The following LRRC8D variants were observed in gnomAD, a reference collection of about 807,000 sequenced individuals.
LRRC8D encodes the protein leucine rich repeat containing 8 VRAC subunit D, also known as volume-regulated anion channel subunit LRRC8D.
Under a neutral mutation model 55.8 loss-of-function variants are expected in LRRC8D, and 20 were observed. The ratio of observed to expected loss-of-function variants is 0.36; its 90% CI spans 0.25 to 0.52. The LOEUF is 0.52. LRRC8D is among the 20% of genes least tolerant of loss of function. LRRC8D has a pLI of 0.93. For missense variants in LRRC8D, 651 were observed against 1,030.8 expected, an observed-to-expected ratio of 0.63 and a Z score of 5.05; for synonymous variants, 352 against 377.0, an observed-to-expected ratio of 0.93 and a Z score of 0.77.
rs759509540 is a variant in LRRC8D at position 89,933,478 on chromosome 1, G to A, written c.410G>A (p.Arg137Gln). ...AKKEKKDPTGRKTNLDFQQYV... is the reference protein window; with the variant it reads ...AKKEKKDPTGQKTNLDFQQYV... Reference sequence around the variant, plus strand: ...AAAGAGAAGAAAGATCCAACAGGTCGAAAAACAAACTTGGATTTTCAGCAA... The same window carrying A: ...AAAGAGAAGAAAGATCCAACAGGTCAAAAAACAAACTTGGATTTTCAGCAA... Residue 137 changes from arginine to glutamine, a missense_variant, in exon 3 of 3, where the codon CGA (arginine) becomes CAA (glutamine). Physicochemically the swap from Arg to Gln is conservative, Grantham distance 43 (BLOSUM62 1). Transcript: ENST00000337338. The surrounding 1 kb of genome is among the most constrained non-coding windows in gnomAD (Gnocchi z 7.0). 64 of 1,613,958 alleles carry A rather than the reference G, an allele frequency of 4.0e-5. No individual in the cohort carries two copies. The highest frequency in any genetic ancestry group is 2.9e-4 in the South Asian group (26 of 91,082).
rs182009845 is a variant in LRRC8D at position 89,822,032 on chromosome 1, A to T, written c.-148+741A>T. On this transcript the variant is annotated intron_variant, in intron 1 of 2. Coordinates refer to ENST00000337338, the MANE Select transcript of LRRC8D (RefSeq NM_001134479.2). ...AGAATTGGGGGTGGTTGCCGGGAGGACCAGCACCTCCAGTTACTGGAGGGT... is the reference window on the plus strand; with the variant it reads ...AGAATTGGGGGTGGTTGCCGGGAGGTCCAGCACCTCCAGTTACTGGAGGGT... 6.2e-3 allele frequency: 949 copies of T among 152,290 alleles called. 22 individuals carry two copies. Among genetic ancestry groups the T allele is most frequent in the Non-Finnish European group, 3.9e-3 (267 of 68,034 alleles). The allele number at this position is 152,290 out of a possible 1,614,324, so 9.4% of individuals were successfully genotyped here.
Position 89,850,824 on chromosome 1 carries a change from T to G in LRRC8D, c.-3+7042T>G, listed in dbSNP as rs1167196016. Among the ~76,000 whole-genome samples the G allele has an allele frequency of 7.9e-5, 12 of 152,220 alleles. 1 individual carries two copies. Among genetic ancestry groups the G allele is most frequent in the Admixed American group, 3.9e-4 (6 of 15,282 alleles). ...ACATGTACATTTATATAACTTGACC[T>G]TATTGTTATGATTGATACATTAATA... On this transcript the variant is annotated intron_variant, in intron 2 of 2. Coordinates refer to ENST00000337338, the MANE Select transcript of LRRC8D (RefSeq NM_001134479.2).
chr1:89,894,537 T>G (rs543469944), intron 2 of LRRC8D, among the ~76,000 whole-genome samples: 5 of 152,238 alleles, frequency 3.3e-5, no homozygotes, highest in Non-Finnish European at 7.3e-5. Context: ...GGAGGCAAGC[T>G]GAACTTAAAT....
chr1:89,875,401 T>C (rs1297871411), intron 2 of LRRC8D, among the ~76,000 whole-genome samples: 1 of 151,920 alleles, frequency 6.6e-6, no homozygotes, highest in Non-Finnish European at 1.5e-5. Flanking sequence ...AAGCAGTGTT[T>C]TAGAAGCTAG....
intron 1 of LRRC8D, among the ~76,000 whole-genome samples, chr1:89,835,869 G>A (rs562436990): frequency 2.0e-5 from 3 of 152,272 alleles, no homozygotes; most frequent in Non-Finnish European, 4.4e-5. Flanking sequence ...TGCATTGCTC[G>A]CGTATTGAGG....
chr1:89,894,748 T>C (rs936870035), intron 2 of LRRC8D, among the ~76,000 whole-genome samples: 3 of 152,224 alleles, frequency 2.0e-5, no homozygotes, highest in Non-Finnish European at 2.9e-5. Context: ...GTGAGTGACA[T>C]AAGTAAATTT....
intron 2 of LRRC8D, among the ~76,000 whole-genome samples, chr1:89,891,752 G>C (rs1257825027): frequency 6.6e-6 from 1 of 152,174 alleles, no homozygotes; most frequent in African/African-American, 2.4e-5. Context: ...CTTTGTGCCT[G>C]GCACAGTGCT....
chr1:89,874,675 T>C (rs940302916), intron 2 of LRRC8D, among the ~76,000 whole-genome samples: 2 of 152,194 alleles, frequency 1.3e-5, no homozygotes, highest in African/African-American at 4.8e-5. Context: ...GTCATTATTA[T>C]CTAGCAATGA....
intron 1 of LRRC8D, among the ~76,000 whole-genome samples, chr1:89,835,395 C>T (rs1040205371): frequency 4.6e-5 from 7 of 152,252 alleles, no homozygotes; most frequent in East Asian, 1.9e-4. Flanking sequence ...TGCTTTTTGT[C>T]CTCTGTAAGT....
chr1:89,898,278 G>T (rs186602145), intron 2 of LRRC8D, among the ~76,000 whole-genome samples: 23 of 152,264 alleles, frequency 1.5e-4, no homozygotes, highest in Non-Finnish European at 2.9e-4. Context: ...ATGGAAAACC[G>T]CAACCTGATG....
chr1:89,843,096 T>G (rs1249313065), intron 1 of LRRC8D: 1 of 152,278 alleles, frequency 6.6e-6, no homozygotes, highest in African/African-American at 2.4e-5. Flanking sequence ...ATCTTGAATC[T>G]CTCACAGCTG....
rs548512330 is a variant in LRRC8D at position 89,916,945 on chromosome 1, A to G, written c.-2-16122A>G. On this transcript the variant is annotated intron_variant, in intron 2 of 2. Coordinates refer to ENST00000337338, the MANE Select transcript of LRRC8D (RefSeq NM_001134479.2). ...GGGGTTTTATTTCCATTTCATTGAT[A>G]AGGAAAATGAAGGCCCAAGTTTACA... is the stretch of plus-strand genomic sequence containing the variant. Among the ~76,000 whole-genome samples the G allele has an allele frequency of 2.0e-5, 3 of 152,278 alleles. 1 individual carries two copies. In the South Asian group the frequency reaches 6.2e-4, roughly 32 times the overall value.
chr1:89,923,013 T>C (rs1663463308), intron 2 of LRRC8D, among the ~76,000 whole-genome samples: 1 of 152,178 alleles, frequency 6.6e-6, no homozygotes, highest in Non-Finnish European at 1.5e-5. Context: ...TAACCATACA[T>C]TTGAATAAGA....
intron 2 of LRRC8D, among the ~76,000 whole-genome samples, chr1:89,917,488 C>A (rs1663304997): frequency 6.6e-6 from 1 of 152,116 alleles, no homozygotes; most frequent in Admixed American, 6.6e-5. Context: ...CTGCATGTTC[C>A]TGTGACTCTT....
chr1:89,889,929 T>A (rs1181026265), intron 2 of LRRC8D, among the ~76,000 whole-genome samples: 1 of 152,048 alleles, frequency 6.6e-6, no homozygotes, highest in Non-Finnish European at 1.5e-5. Context: ...GGCTCATGCC[T>A]GTAATCCCAG....
intron 2 of LRRC8D, among the ~76,000 whole-genome samples, chr1:89,885,975 T>C (rs572686326): frequency 1.1e-4 from 16 of 152,324 alleles, no homozygotes; most frequent in African/African-American, 3.6e-4. Flanking sequence ...TGTAAAATTA[T>C]TCTGGTTTGT....
At position 89,933,243 on chromosome 1, in the gene LRRC8D, C is replaced by T. The variant is rs1182325494; in HGVS notation, c.175C>T (p.Pro59Ser). The change falls in exon 3 of 3, where the codon CCA becomes TCA. Residue 59 changes from proline (P) to serine (S), a missense_variant. By Grantham distance (74) the Pro-to-Ser change is moderately conservative. This residue lies in a region of LRRC8D where 118 missense variants were observed against 138.0 expected (regional missense o/e 0.85). Coordinates refer to ENST00000337338, the MANE Select transcript of LRRC8D (RefSeq NM_001134479.2). This position sits in a 1 kb window ranked among gnomAD's most constrained non-coding sequence, Gnocchi z 7.0. The stretch of plus-strand genomic sequence containing the variant: ...TCAGGTGGTCTGTTTGCCAGTATTG[C>T]CATCTCCTGTAAATTCAAAGGCACA... ...KDQVVCLPVLPSPVNSKAHTP... is the reference protein window; with the variant it reads ...KDQVVCLPVLSSPVNSKAHTP... 1.9e-6 allele frequency: 3 copies of T among 1,614,110 alleles called. No individual in the cohort carries two copies. In the Admixed American group the frequency reaches 5.0e-5, roughly 27 times the overall value.
intron 2 of LRRC8D, among the ~76,000 whole-genome samples, chr1:89,926,431 C>T (rs773335600): frequency 7.9e-5 from 12 of 152,200 alleles, no homozygotes; most frequent in South Asian, 2.1e-4. Flanking sequence ...GTGCTTGGCA[C>T]GGGGCTGGTA....
intron 2 of LRRC8D, among the ~76,000 whole-genome samples, chr1:89,882,352 T>TA (rs1346629954): frequency 5.9e-5 from 9 of 152,248 alleles, no homozygotes; most frequent in Non-Finnish European, 7.3e-5. Flanking sequence ...CTTTGCTGTT[T>TA]AAGTACTACG....
Sources: allele counts gnomAD v4.1 joint callset (sites outside exome capture counted in the v4.1 genomes callset), GRCh38; gene constraint gnomAD v4.1.1; regional missense constraint gnomAD v4.1.1; non-coding constraint Gnocchi (gnomAD v3.1); transcripts MANE v1.5; gene names NCBI Gene and HGNC (gene_info 2026-07-23, HGNC 2026-07-21).